Variants in TRDN observed in about 807,000 individuals in gnomAD.
TRDN encodes the protein triadin.
In TRDN, 161 loss-of-function variants were observed where a neutral mutation model predicts 149.7. The ratio of observed to expected loss-of-function variants is 1.08; its 90% CI spans 0.95 to 1.23. The LOEUF (loss-of-function observed/expected upper bound fraction) is 1.23, where lower values mean the gene tolerates loss of function less well. Among genes scored for constraint, TRDN ranks in the 50% most tolerant of loss-of-function variants. The pLI, the probability that TRDN is intolerant of heterozygous loss-of-function variation, is 0.00. For missense variants in TRDN, 896 were observed against 823.5 expected (o/e 1.09, Z -1.08); for synonymous variants, 294 against 250.5 (o/e 1.17, Z -1.64).
intron 1 of TRDN, among the ~76,000 whole-genome samples, chr6:123,604,875 A>G (rs1784454384): frequency 6.6e-6 from 1 of 152,252 alleles, no homozygotes; most frequent in South Asian, 2.1e-4. Context: ...CAAGGAAAAC[A>G]AGTAAGTTTG....
intron 9 of TRDN, among the ~76,000 whole-genome samples, chr6:123,483,067 TTA>T (rs1467283952): frequency 6.6e-4 from 2 of 3,024 alleles, no homozygotes; most frequent in Non-Finnish European, 1.3e-3. Flanking sequence ...GATTTCTCAT[TTA>T]TTATTATTAT....
At position 123,350,006 on chromosome 6, in the gene TRDN, A is replaced by T. The variant is rs1235638042; in HGVS notation, c.1369+2533T>A. On this transcript the variant is annotated intron_variant, in intron 21 of 40. Transcript: ENST00000334268. ...CAAGTGGACACAAATTAGCCCATTT[A>T]TGAATTTTGAAACATTCCTTAATTT... 7.1e-6 allele frequency: 7 copies of T among 985,260 alleles called. No homozygotes were observed. The Admixed American group carries it at 3.7e-4, about 52-fold the overall frequency. The allele number at this position is 985,260 out of a possible 1,614,324, so 61.0% of individuals were successfully genotyped here.
intron 13 of TRDN, 120 bp from the exon 14 acceptor site, chr6:123,388,671 T>G: frequency 9.5e-7 from 1 of 1,050,054 alleles, no homozygotes; most frequent in Non-Finnish European, 1.4e-6. Flanking sequence ...CACTAATCAA[T>G]TCATCCAAAT....
chr6:123,365,303 ATTAAT>A (rs2114354771), intron 20 of TRDN, among the ~76,000 whole-genome samples: 1 of 151,972 alleles, frequency 6.6e-6, no homozygotes, highest in East Asian at 1.9e-4. Flanking sequence ...TAATCAATAA[ATTAAT>A]TTATAGAGTA....
chr6:123,537,087 T>C (rs1226141520), intron 4 of TRDN, among the ~76,000 whole-genome samples: 1 of 152,126 alleles, frequency 6.6e-6, no homozygotes, highest in Non-Finnish European at 1.5e-5. Flanking sequence ...AGATAAACTA[T>C]AAGTAAGTAT....
Position 123,366,198 on chromosome 6 carries a change from T to A in TRDN, c.1274-16A>T. ...CGTTCAGTTTCTGCAAGTTCAGATA[T>A]TAAAGGAATGAGAAGTGGATATTAG... On this transcript the variant is annotated splice_polypyrimidine_tract_variant and intron_variant, in intron 19 of 40. Transcript: ENST00000334268. 1 of 1,612,164 alleles carries A rather than the reference T, an allele frequency of 6.2e-7. No individual in the cohort carries two copies. The highest frequency in any genetic ancestry group is 1.3e-5 in the African/African-American group (1 of 75,000).
chr6:123,354,954 G>A (rs1168377552), intron 20 of TRDN, among the ~76,000 whole-genome samples: 1 of 151,602 alleles, frequency 6.6e-6, no homozygotes, highest in African/African-American at 2.4e-5. Context: ...TCCTACTACT[G>A]TCTCTTAGAA....
chr6:123,293,029 C>A (rs1468760214), intron 24 of TRDN, among the ~76,000 whole-genome samples: 1 of 152,144 alleles, frequency 6.6e-6, no homozygotes, highest in Non-Finnish European at 1.5e-5. Flanking sequence ...TTACTATGAT[C>A]CAGTATGGGT....
At position 123,576,929 on chromosome 6, in the gene TRDN, A is replaced by G. The variant is rs376306456; in HGVS notation, c.23-5797T>C. 3.3e-5 allele frequency among the ~76,000 whole-genome samples: 5 copies of G among 152,208 alleles called. No homozygotes were observed. In the East Asian group the frequency reaches 5.8e-4, roughly 18 times the overall value. On this transcript the variant is annotated intron_variant, in intron 1 of 40. Transcript: ENST00000334268. ...CAGGAGACATGTGACATCAGTTTAC[A>G]TATAACTCACCTGCACATGTACTGC... is the stretch of plus-strand genomic sequence containing the variant.
intron 9 of TRDN, chr6:123,471,037 C>A (rs1243108970): frequency 1.3e-5 from 2 of 152,140 alleles, no homozygotes. Flanking sequence ...ATTGAGTACC[C>A]TATAAAAGTT....
chr6:123,621,688 T>A (rs1219647274), intron 1 of TRDN, among the ~76,000 whole-genome samples: 1 of 152,156 alleles, frequency 6.6e-6, no homozygotes, highest in African/African-American at 2.4e-5. Flanking sequence ...GCCATGGTGC[T>A]CCATTTATAT....
chr6:123,225,308 A>G (rs1404865288), intron 38 of TRDN, among the ~76,000 whole-genome samples: 1 of 151,780 alleles, frequency 6.6e-6, no homozygotes, highest in Non-Finnish European at 1.5e-5. Context: ...TTGCCATTAT[A>G]GAAAGCAGTA....
chr6:123,629,242 A>G (rs1467924528), intron 1 of TRDN, among the ~76,000 whole-genome samples: 1 of 152,154 alleles, frequency 6.6e-6, no homozygotes, highest in Non-Finnish European at 1.5e-5. Context: ...TTTTCCAAGG[A>G]AAGTTTGCTA....
chr6:123,218,457 C>T lies in TRDN; in HGVS notation c.*144G>A. 1.1e-6 allele frequency: 1 copy of T among 901,970 alleles called. No individual in the cohort carries two copies. Among genetic ancestry groups the T allele is most frequent in the East Asian group, 2.7e-5 (1 of 37,280 alleles). 55.9% of individuals were successfully genotyped at this position (901,970 alleles called of 1,614,324 possible). A position where few individuals can be genotyped will look rare whatever the true frequency, so the allele number is the denominator to read the frequency against. ...GCTCATCACTCAATCCATTTGGCCA[C>T]CCTTTCCGTCCACACCAGGCCAAAG... is the stretch of plus-strand genomic sequence containing the variant. On this transcript the variant is annotated 3_prime_UTR_variant, in exon 41 of 41. Transcript: ENST00000334268.
In TRDN at chr6:123,506,717, G is replaced by C. The variant is rs187410258; in HGVS notation, c.611-2816C>G. Among the ~76,000 whole-genome samples, 518 of 152,128 alleles carry C rather than the reference G, an allele frequency of 3.4e-3. 2 individuals are homozygous for C. The highest frequency in any genetic ancestry group is 6.3e-3 in the Non-Finnish European group (428 of 67,994). On this transcript the variant is annotated intron_variant, in intron 7 of 40. Coordinates refer to ENST00000334268, the MANE Select transcript of TRDN (RefSeq NM_006073.4). The stretch of plus-strand genomic sequence containing the variant: ...TTGGCCAGGCTGGTCTTGAACTCCT[G>C]ACCTCAGGCGATCCACCCGCCTCGG...
intron 1 of TRDN, among the ~76,000 whole-genome samples, chr6:123,591,533 A>C (rs1783780503): frequency 6.6e-6 from 1 of 152,210 alleles, no homozygotes; most frequent in Admixed American, 6.5e-5. Context: ...GGCATGAGCC[A>C]CCATGTCCAG....
At chr6:123,517,707 T>C (rs1779479004) in intron 5 of TRDN, among the ~76,000 whole-genome samples, 2 of 152,070 alleles carry the variant, frequency 1.3e-5, no homozygotes, top group African/African-American at 4.8e-5. Flanking sequence ...CCTGTATGTG[T>C]CTTCCACCTA....
chr6:123,478,667 A>G lies in TRDN; in HGVS notation c.854-13684T>C, dbSNP rs1777610514. On this transcript the variant is annotated intron_variant, in intron 9 of 40. Transcript: ENST00000334268. ...TTAAATTCTCAAATAAAAATAATAA[A>G]TCTATTTAATGTACCCAGCATGCAA... 1.3e-5 allele frequency among the ~76,000 whole-genome samples: 2 copies of G among 152,310 alleles called. 1 individual carries two copies. Among genetic ancestry groups the G allele is most frequent in the South Asian group, 4.1e-4 (2 of 4,832 alleles).
At chr6:123,501,020 C>CATAAAACT (rs1169700406) in intron 8 of TRDN, among the ~76,000 whole-genome samples, 3 of 151,880 alleles carry the variant, frequency 2.0e-5, no homozygotes, top group Non-Finnish European at 4.4e-5. Context: ...ACTCTACAAA[C>CATAAAACT]AGATTTAGAT....
Sources: allele counts gnomAD v4.1 joint callset (sites outside exome capture counted in the v4.1 genomes callset), GRCh38; gene constraint gnomAD v4.1.1; transcripts MANE v1.5; gene names NCBI Gene and HGNC (gene_info 2026-07-23, HGNC 2026-07-21).